The following FCHSD2 variants were observed in gnomAD, a reference collection of about 807,000 sequenced individuals.
FCHSD2 encodes FCH and double SH3 domains 2.
In FCHSD2, 38 loss-of-function variants were observed where a neutral mutation model predicts 108.1. The ratio of observed to expected loss-of-function variants is 0.35; its 90% CI spans 0.27 to 0.46. The LOEUF (loss-of-function observed/expected upper bound fraction) is 0.46. Among genes scored for constraint, FCHSD2 ranks in the 20% least tolerant of loss-of-function variants. The pLI is 1.00. For missense variants in FCHSD2, 751 were observed against 897.8 expected (o/e 0.84, Z 2.09); for synonymous variants, 279 against 314.7 (o/e 0.89, Z 1.20).
At chr11:72,923,135 A>G (rs1400382065) in intron 8 of FCHSD2, among the ~76,000 whole-genome samples, 1 of 152,140 alleles carries the variant, frequency 6.6e-6, no homozygotes, top group Non-Finnish European at 1.5e-5. Context: ...TTACAGCTTA[A>G]TAATATTCAG....
intron 8 of FCHSD2, among the ~76,000 whole-genome samples, chr11:72,937,127 T>C (rs1312545998): frequency 2.0e-5 from 3 of 152,190 alleles, no homozygotes; most frequent in Non-Finnish European, 4.4e-5. Flanking sequence ...AACACAATTA[T>C]ATAGCTGGAG....
intron 3 of FCHSD2, among the ~76,000 whole-genome samples, chr11:73,051,937 G>A (rs1438563010): frequency 2.8e-5 from 4 of 144,686 alleles, no homozygotes; most frequent in African/African-American, 1.0e-4. Flanking sequence ...CTGACATCAG[G>A]GAAAAATTCC....
At chr11:73,068,153 T>C (rs1340709171) in intron 3 of FCHSD2, among the ~76,000 whole-genome samples, 1 of 151,978 alleles carries the variant, frequency 6.6e-6, no homozygotes, top group African/African-American at 2.4e-5. Flanking sequence ...GGAACTACAA[T>C]TCAAGATGAG....
intron 8 of FCHSD2, among the ~76,000 whole-genome samples, chr11:72,981,088 A>AG (rs946851247): frequency 6.6e-6 from 1 of 152,232 alleles, no homozygotes; most frequent in Admixed American, 6.5e-5. Context: ...CATGATTGAT[A>AG]GGAGTTTTCC....
chr11:72,922,016 C>A (rs1020956228), intron 8 of FCHSD2, 66 bp from the exon 9 acceptor site: 5 of 1,181,010 alleles, frequency 4.2e-6, no homozygotes, highest in Non-Finnish European at 6.0e-6. Context: ...ATATCTTCTG[C>A]CTATGAGAAA....
intron 8 of FCHSD2, among the ~76,000 whole-genome samples, chr11:72,979,965 A>G (rs1857181610): frequency 6.6e-6 from 1 of 152,230 alleles, no homozygotes; most frequent in Non-Finnish European, 1.5e-5. Flanking sequence ...AAATACGAAA[A>G]GAACATAAAA....
chr11:72,969,320 T>C (rs535128494), intron 8 of FCHSD2, among the ~76,000 whole-genome samples: 6 of 152,394 alleles, frequency 3.9e-5, no homozygotes, highest in Non-Finnish European at 8.8e-5. Flanking sequence ...AATTTGGCTT[T>C]AAGTTATTTA....
chr11:72,837,088 TA>T lies in FCHSD2; in HGVS notation c.*1702del, dbSNP rs1241986395. 6.6e-6 allele frequency: 1 copy of T among 152,216 alleles called. No homozygotes were observed. Among genetic ancestry groups the T allele is most frequent in the East Asian group, 1.9e-4 (1 of 5,196 alleles). The allele number at this position is 152,216 out of a possible 1,614,324, so 9.4% of individuals were successfully genotyped here. A position where few individuals can be genotyped will look rare whatever the true frequency, so the allele number is the denominator to read the frequency against. The stretch of plus-strand genomic sequence containing the variant: ...ACTGGGTGGCAAGAACTGCTCTATT[TA>T]ATAAGCATTTGAAGATTTTTAATAT... On this transcript the variant is annotated 3_prime_UTR_variant, in exon 20 of 20. Transcript: ENST00000409418.
At chr11:73,032,374 G>C (rs1858381108) in intron 3 of FCHSD2, among the ~76,000 whole-genome samples, 1 of 152,020 alleles carries the variant, frequency 6.6e-6, no homozygotes, top group Non-Finnish European at 1.5e-5. Context: ...TATTACAGGT[G>C]TGCATTGCCT....
chr11:72,957,239 T>G (rs1381455104), intron 8 of FCHSD2, among the ~76,000 whole-genome samples: 1 of 135,526 alleles, frequency 7.4e-6, no homozygotes, highest in East Asian at 2.2e-4. Flanking sequence ...TGTGTCCATG[T>G]GATCTCATTG....
intron 3 of FCHSD2, among the ~76,000 whole-genome samples, chr11:73,071,634 G>C (rs1439455426): frequency 8.6e-5 from 13 of 152,032 alleles, no homozygotes; most frequent in Admixed American, 8.5e-4. Context: ...CTGAGAGGCA[G>C]AGGCTGCAGT....
At chr11:73,105,071 C>G (rs962476448) in intron 2 of FCHSD2, among the ~76,000 whole-genome samples, 4 of 152,172 alleles carry the variant, frequency 2.6e-5, no homozygotes, top group African/African-American at 9.7e-5. Flanking sequence ...TCCTACCTGA[C>G]TTGACAATAA....
chr11:73,042,328 A>G (rs905655219), intron 3 of FCHSD2, among the ~76,000 whole-genome samples: 4 of 152,200 alleles, frequency 2.6e-5, no homozygotes, highest in Non-Finnish European at 4.4e-5. Context: ...TTTCCCCAAT[A>G]TAAGTTATTG....
chr11:73,005,441 G>A (rs1345595484), intron 4 of FCHSD2, among the ~76,000 whole-genome samples: 1 of 152,072 alleles, frequency 6.6e-6, no homozygotes, highest in African/African-American at 2.4e-5. Context: ...TTCTTGAAAT[G>A]TTTTCTTCAC....
chr11:72,861,395 C>CA lies in FCHSD2; in HGVS notation c.1308+6469dup, dbSNP rs34484683. ...ATGGAGTCTATTATTTAAAAACTTC[C>CA]AAAAAAAAAAAAAAACTCCAGGACC... On this transcript the variant is annotated intron_variant, in intron 13 of 19. Transcript: ENST00000409418. 1.7e-3 allele frequency among the ~76,000 whole-genome samples: 236 copies of CA among 142,700 alleles called. 1 individual carries two copies. Among genetic ancestry groups the CA allele is most frequent in the African/African-American group, 4.6e-3 (178 of 38,930 alleles). 93.6% of individuals were successfully genotyped at this position (142,700 alleles called of 152,430 possible). A position where few individuals can be genotyped will look rare whatever the true frequency, so the allele number is the denominator to read the frequency against.
chr11:73,062,283 G>A (rs1395240265), intron 3 of FCHSD2, among the ~76,000 whole-genome samples: 1 of 152,090 alleles, frequency 6.6e-6, no homozygotes, highest in African/African-American at 2.4e-5. Flanking sequence ...CCAATGGAAG[G>A]TCACCAACAT....
chr11:73,045,067 C>T (rs1215129971), intron 3 of FCHSD2, among the ~76,000 whole-genome samples: 1 of 144,294 alleles, frequency 6.9e-6, no homozygotes, highest in East Asian at 2.0e-4. Context: ...AAGACTCCAT[C>T]TCAAAAAAAA....
intron 12 of FCHSD2, among the ~76,000 whole-genome samples, chr11:72,884,410 A>T (rs1218065944): frequency 6.6e-6 from 1 of 151,742 alleles, no homozygotes; most frequent in East Asian, 1.9e-4. Context: ...CATAGCATGA[A>T]TACAGTGAAA....
chr11:73,137,592 A>C (rs1247332513), intron 2 of FCHSD2, among the ~76,000 whole-genome samples: 1 of 152,256 alleles, frequency 6.6e-6, no homozygotes, highest in Non-Finnish European at 1.5e-5. Context: ...ATAACTTCAA[A>C]GACTTCATCT....
Sources: allele counts gnomAD v4.1 joint callset (sites outside exome capture counted in the v4.1 genomes callset), GRCh38; gene constraint gnomAD v4.1.1; transcripts MANE v1.5; gene names NCBI Gene and HGNC (gene_info 2026-07-23, HGNC 2026-07-21).